LCOR: variants seen among roughly 807,000 people sequenced by gnomAD.
LCOR encodes the protein ligand-dependent corepressor.
A neutral mutation model predicts 64.4 loss-of-function variants in LCOR; 14 were observed. That is an observed-to-expected ratio of 0.22 (90% CI 0.14 to 0.34). The LOEUF is 0.34. Among genes scored for constraint, LCOR ranks in the 10% least tolerant of loss-of-function variants. The pLI is 1.00. For synonymous variants in LCOR, 643 were observed against 642.5 expected (o/e 1.00, Z -0.01); for missense variants, 1,686 against 1,765.3 (o/e 0.96, Z 0.80).
At chr10:96,853,992 A>C (rs774471724) in intron 2 of LCOR, among the ~76,000 whole-genome samples, 2 of 152,132 alleles carry the variant, frequency 1.3e-5, no homozygotes, top group Non-Finnish European at 2.9e-5. Flanking sequence ...GATTACCTCT[A>C]TCTGGTCCCA....
intron 4 of LCOR, among the ~76,000 whole-genome samples, chr10:96,930,650 A>G (rs1177809157): frequency 6.6e-6 from 1 of 152,170 alleles, no homozygotes; most frequent in Non-Finnish European, 1.5e-5. Flanking sequence ...GCGTAGAGTA[A>G]ACTGCTGTGC....
chr10:96,858,586 A>G (rs1036301458), intron 2 of LCOR, among the ~76,000 whole-genome samples: 1 of 152,168 alleles, frequency 6.6e-6, no homozygotes, highest in Non-Finnish European at 1.5e-5. Flanking sequence ...TCAGAAAGAG[A>G]TATTCAATAT....
At chr10:96,902,091 G>A (rs931373867) in intron 2 of LCOR, among the ~76,000 whole-genome samples, 1 of 151,152 alleles carries the variant, frequency 6.6e-6, no homozygotes, top group African/African-American at 2.4e-5. Context: ...CTCCCCCCAA[G>A]CATTTGTTCT....
intron 2 of LCOR, among the ~76,000 whole-genome samples, chr10:96,868,669 C>T (rs923106460): frequency 1.3e-5 from 2 of 152,100 alleles, no homozygotes; most frequent in Non-Finnish European, 2.9e-5. Flanking sequence ...CTAGTCTAAC[C>T]TTTCGTATCA....
intron 2 of LCOR, among the ~76,000 whole-genome samples, chr10:96,905,518 T>C (rs1846712431): frequency 6.6e-6 from 1 of 152,202 alleles, no homozygotes; most frequent in Non-Finnish European, 1.5e-5. Flanking sequence ...CAGATCGTTC[T>C]GAAAATATCT....
intron 4 of LCOR, chr10:96,907,990 CTTTTTTGTTTTT>C (rs1033870677): frequency 6.6e-6 from 1 of 151,454 alleles, no homozygotes; most frequent in African/African-American, 2.4e-5. Context: ...TGTTTTTTTG[CTTTTTTGTTTTT>C]TTTTTATTTT....
chr10:96,976,466 T>G (rs1848041010), intron 7 of LCOR, among the ~76,000 whole-genome samples: 1 of 152,136 alleles, frequency 6.6e-6, no homozygotes, highest in African/African-American at 2.4e-5. Flanking sequence ...TGCCATGAGG[T>G]TGTGAAATAC....
chr10:96,891,564 T>G (rs1249886218), intron 2 of LCOR, among the ~76,000 whole-genome samples: 4 of 73,412 alleles, frequency 5.4e-5, no homozygotes, highest in Non-Finnish European at 1.0e-4. Flanking sequence ...TTTTTTTTTT[T>G]GAGACAGGGT....
chr10:96,887,208 T>G (rs887972333), intron 2 of LCOR, among the ~76,000 whole-genome samples: 13 of 152,192 alleles, frequency 8.5e-5, no homozygotes, highest in Non-Finnish European at 1.8e-4. Flanking sequence ...ATTATAGTCT[T>G]TCACTGCCTT....
At chr10:96,834,746 G>A (rs1373077972) in intron 2 of LCOR, among the ~76,000 whole-genome samples, 1 of 152,012 alleles carries the variant, frequency 6.6e-6, no homozygotes, top group African/African-American at 2.4e-5. Flanking sequence ...GTTCCATGTT[G>A]CTTTAATTTA....
intron 4 of LCOR, chr10:96,915,914 C>T (rs370360478): frequency 5.0e-5 from 20 of 403,358 alleles, no homozygotes; most frequent in Middle Eastern, 5.4e-4. Context: ...TTGGCAGCGA[C>T]GGCGGCAGGA....
chr10:96,866,042 GTTTC>G (rs923352930), intron 2 of LCOR, among the ~76,000 whole-genome samples: 7 of 152,056 alleles, frequency 4.6e-5, no homozygotes, highest in Non-Finnish European at 7.4e-5. Context: ...TACACAGTAT[GTTTC>G]TTTCTTTGTC....
intron 2 of LCOR, among the ~76,000 whole-genome samples, chr10:96,871,198 A>G (rs1846066164): frequency 6.7e-6 from 1 of 149,938 alleles, no homozygotes; most frequent in Admixed American, 6.6e-5. Flanking sequence ...CTAGGCTTAC[A>G]GGCATGTGCC....
chr10:96,901,984 C>G (rs753070966), intron 2 of LCOR, among the ~76,000 whole-genome samples: 1 of 152,130 alleles, frequency 6.6e-6, no homozygotes, highest in Non-Finnish European at 1.5e-5. Context: ...GTTGTCCATA[C>G]TGATAGTAGG....
rs761602984 is a variant in LCOR, at chr10:96,981,200, C to G, written c.740C>G (p.Ser247Cys). Residue 247 changes from serine (S) to cysteine (C), a missense_variant, in exon 8 of 8, where the codon TCC becomes TGC. Ser to Cys is a moderately radical substitution (Grantham distance 112). This residue lies in a region of LCOR where 313 missense variants were observed against 247.2 expected (regional missense o/e 1.27). Transcript: ENST00000421806. ...GCCTTGACTGTTGTCCAGAAAGATT[C>G]CTCTGAACTTCCAACCACTAAATCG... ...ENALTVVQKDSSELPTTKSNS... is the reference protein window; with the variant it reads ...ENALTVVQKDCSELPTTKSNS... The G allele has an allele frequency of 1.3e-6, 1 of 747,274 alleles. No homozygotes were observed. Among genetic ancestry groups the G allele is most frequent in the Non-Finnish European group, 2.4e-6 (1 of 425,160 alleles). The allele number at this position is 747,274 out of a possible 1,614,324, so 46.3% of individuals were successfully genotyped here.
intron 2 of LCOR, among the ~76,000 whole-genome samples, chr10:96,834,299 G>A (rs1418250652): frequency 3.3e-5 from 5 of 152,170 alleles, no homozygotes; most frequent in African/African-American, 1.2e-4. Context: ...ATAAAGGCAT[G>A]AGTCAGTTTT....
chr10:96,920,284 T>C (rs1173934851), intron 4 of LCOR, among the ~76,000 whole-genome samples: 3 of 151,760 alleles, frequency 2.0e-5, no homozygotes, highest in Admixed American at 2.0e-4. Flanking sequence ...CATGTGATTG[T>C]TGGTCATTTG....
intron 4 of LCOR, among the ~76,000 whole-genome samples, chr10:96,927,835 C>T (rs2134484139): frequency 6.6e-6 from 1 of 152,266 alleles, no homozygotes. Flanking sequence ...GGTTCCAGAC[C>T]ATCATAATAA....
chr10:96,960,974 G>A (rs749769020), intron 7 of LCOR: 6 of 152,104 alleles, frequency 3.9e-5, no homozygotes, highest in South Asian at 2.1e-4. Context: ...ACCTTTTAAA[G>A]AAGCAGACAT....
Sources: allele counts gnomAD v4.1 joint callset (sites outside exome capture counted in the v4.1 genomes callset), GRCh38; gene constraint gnomAD v4.1.1; regional missense constraint gnomAD v4.1.1; transcripts MANE v1.5; gene names NCBI Gene and HGNC (gene_info 2026-07-23, HGNC 2026-07-21).